The following IL1RAPL1 variants were observed in gnomAD, a reference collection of about 807,000 sequenced individuals.
IL1RAPL1 encodes the protein interleukin 1 receptor accessory protein like 1, also known as interleukin-1 receptor accessory protein-like 1.
A neutral mutation model predicts 48.4 loss-of-function variants in IL1RAPL1; 3 were observed. The ratio of observed to expected loss-of-function variants is 0.06; its 90% CI spans 0.03 to 0.16. IL1RAPL1 has a LOEUF of 0.16. IL1RAPL1 is among the 10% of genes least tolerant of loss of function. The pLI, the probability that IL1RAPL1 is intolerant of heterozygous loss-of-function variation, is 1.00. For missense variants in IL1RAPL1, 349 were observed against 530.6 expected, an observed-to-expected ratio of 0.66 and a Z score of 3.36; for synonymous variants, 185 against 187.7, an observed-to-expected ratio of 0.99 and a Z score of 0.12.
At chrX:29,522,221 G>A (rs1935510236) in intron 5 of IL1RAPL1, among the ~76,000 whole-genome samples, 1 of 111,201 alleles carries the variant, frequency 9.0e-6, no homozygotes, top group South Asian at 3.8e-4. Context: ...ATGCAGTGGT[G>A]TGATCTCTGC....
chrX:28,847,627 C>G (rs1442956804), intron 2 of IL1RAPL1, among the ~76,000 whole-genome samples: 1 of 110,781 alleles, frequency 9.0e-6, no homozygotes, highest in East Asian at 2.9e-4. Context: ...CAGACACACC[C>G]CCTCCCACGT....
rs756725185 is a variant in IL1RAPL1, at chrX:28,869,531, G to A, written c.82+80106G>A. 8.9e-5 allele frequency among the ~76,000 whole-genome samples: 10 copies of A among 112,028 alleles called. No individual in the cohort carries two copies. In the South Asian group the frequency reaches 3.3e-3, roughly 37 times the overall value. On this transcript the variant is annotated intron_variant, in intron 2 of 10. Transcript: ENST00000378993. ...CACTAAGGGGCTAAAAGAAAGTAAA[G>A]TGGGATATGATAATAAATGAAAACT...
chrX:29,931,491 C>A (rs766000587), intron 8 of IL1RAPL1, among the ~76,000 whole-genome samples: 2 of 111,414 alleles, frequency 1.8e-5, no homozygotes, highest in Non-Finnish European at 1.9e-5. Flanking sequence ...ATCCATTAAA[C>A]CCCTAAAGAA....
chrX:29,561,538 G>C (rs906869012), intron 5 of IL1RAPL1, among the ~76,000 whole-genome samples: 2 of 111,875 alleles, frequency 1.8e-5, no homozygotes, highest in Admixed American at 1.9e-4. Flanking sequence ...TATGGGTGAA[G>C]TGAGATAAAA....
intron 2 of IL1RAPL1, among the ~76,000 whole-genome samples, chrX:28,901,638 G>A (rs1488770424): frequency 3.6e-5 from 4 of 111,976 alleles, no homozygotes; most frequent in Non-Finnish European, 7.5e-5. Context: ...GGCTTTCTAA[G>A]AGATGGCAGA....
chrX:29,003,293 C>CTTTA (rs1925900990), intron 2 of IL1RAPL1, among the ~76,000 whole-genome samples: 1 of 111,250 alleles, frequency 9.0e-6, no homozygotes, highest in Admixed American at 9.6e-5. Flanking sequence ...TAGAGTTTAA[C>CTTTA]TTTATTTACT....
intron 3 of IL1RAPL1, among the ~76,000 whole-genome samples, chrX:29,322,243 G>A (rs1455522615): frequency 1.0e-5 from 1 of 100,430 alleles, no homozygotes; most frequent in Non-Finnish European, 2.0e-5. Flanking sequence ...CTGTCTTTCT[G>A]TCTTTCTCTT....
At chrX:29,622,193 T>G (rs1924482918) in intron 5 of IL1RAPL1, among the ~76,000 whole-genome samples, 1 of 112,536 alleles carries the variant, frequency 8.9e-6, no homozygotes, top group Non-Finnish European at 1.9e-5. Context: ...ATTATAGCTC[T>G]CTACTTGTGG....
At chrX:29,334,152 A>C in intron 3 of IL1RAPL1, among the ~76,000 whole-genome samples, 1 of 70,223 alleles carries the variant, frequency 1.4e-5, no homozygotes, top group Admixed American at 1.3e-4. Flanking sequence ...GCGGCCGGGC[A>C]GAGGCGCCCC....
At chrX:28,710,976 AT>A (rs1045033989) in intron 1 of IL1RAPL1, among the ~76,000 whole-genome samples, 4 of 111,877 alleles carry the variant, frequency 3.6e-5, no homozygotes, top group African/African-American at 1.3e-4. Context: ...TGAAATAGTC[AT>A]TGTGGAAGTT....
At chrX:28,655,148 A>G (rs990619393) in intron 1 of IL1RAPL1, among the ~76,000 whole-genome samples, 2 of 111,592 alleles carry the variant, frequency 1.8e-5, no homozygotes. Context: ...TTAACCTGAC[A>G]TACACACTTA....
At chrX:29,047,111 A>G (rs1252742750) in intron 2 of IL1RAPL1, among the ~76,000 whole-genome samples, 1 of 112,422 alleles carries the variant, frequency 8.9e-6, no homozygotes, top group African/African-American at 3.2e-5. Flanking sequence ...AAGTAAAAAA[A>G]TAAAAATTGG....
At chrX:29,347,985 T>C (rs975035481) in intron 3 of IL1RAPL1, among the ~76,000 whole-genome samples, 1 of 111,868 alleles carries the variant, frequency 8.9e-6, no homozygotes, top group Admixed American at 9.5e-5. Flanking sequence ...TTCATCACAA[T>C]ACTCAGAGCA....
Position 29,918,144 on chromosome X carries a change from A to AAAAT in IL1RAPL1, c.911+549_911+550insAATA, listed in dbSNP as rs1555935868. Reference sequence around the variant, plus strand: ...TCTCCAAAAAAAAAAAAAAAAAAAAAATATATATATATATATATATATATA... The same window carrying AAAAT: ...TCTCCAAAAAAAAAAAAAAAAAAAAAAAATATATATATATATATATATATATATA... On this transcript the variant is annotated intron_variant, in intron 7 of 10. Coordinates refer to ENST00000378993, the MANE Select transcript of IL1RAPL1 (RefSeq NM_014271.4). Among the ~76,000 whole-genome samples, 31 of 23,757 alleles carry AAAAT rather than the reference A, an allele frequency of 1.3e-3. 2 individuals are homozygous for AAAAT. Among genetic ancestry groups the AAAAT allele is most frequent in the Non-Finnish European group, 1.8e-3 (28 of 15,241 alleles). 20.6% of individuals were successfully genotyped at this position (23,757 alleles called of 115,157 possible).
intron 5 of IL1RAPL1, among the ~76,000 whole-genome samples, chrX:29,447,851 A>G (rs1192964827): frequency 1.8e-5 from 2 of 112,300 alleles, no homozygotes; most frequent in Admixed American, 1.9e-4. Context: ...TCAGAAATCC[A>G]TTCATTAATA....
At chrX:28,901,552 A>T (rs1485242046) in intron 2 of IL1RAPL1, among the ~76,000 whole-genome samples, 1 of 110,682 alleles carries the variant, frequency 9.0e-6, no homozygotes, top group Non-Finnish European at 1.9e-5. Flanking sequence ...TTGCCATTAG[A>T]CTCTTTTCCT....
At chrX:28,943,483 T>G (rs940129418) in intron 2 of IL1RAPL1, among the ~76,000 whole-genome samples, 3 of 110,119 alleles carry the variant, frequency 2.7e-5, no homozygotes, top group African/African-American at 9.9e-5. Flanking sequence ...GAATTGTAAT[T>G]TTATGATTTA....
At chrX:29,555,098 A>C (rs768679124) in intron 5 of IL1RAPL1, among the ~76,000 whole-genome samples, 1 of 112,938 alleles carries the variant, frequency 8.9e-6, no homozygotes, top group Non-Finnish European at 1.9e-5. Flanking sequence ...TTATATTTGA[A>C]TAATTCACAA....
At chrX:29,658,086 T>G (rs191770418) in intron 5 of IL1RAPL1, among the ~76,000 whole-genome samples, 1 of 112,266 alleles carries the variant, frequency 8.9e-6, no homozygotes. Flanking sequence ...ATGCAAAATC[T>G]ACTGCAGTAA....
Sources: gnomAD v4.1 joint callset for allele counts (sites outside exome capture counted in the v4.1 genomes callset) on GRCh38, gnomAD v4.1.1 for gene constraint, MANE v1.5 for transcripts, NCBI Gene and HGNC (gene_info 2026-07-23, HGNC 2026-07-21) for gene names.